The following ZNF736 variants were observed in gnomAD, a reference collection of about 807,000 sequenced individuals.
The protein encoded by ZNF736 is KRAB-containing zinc-finger repressor protein.
A neutral mutation model predicts 11.7 loss-of-function variants in ZNF736; 6 were observed. That is an observed-to-expected ratio of 0.51 (90% CI 0.28 to 1.01). The LOEUF (loss-of-function observed/expected upper bound fraction) is 1.01, where lower values mean the gene tolerates loss of function less well. Among genes scored for constraint, ZNF736 ranks in the 50% least tolerant of loss-of-function variants. The pLI, the probability that ZNF736 is intolerant of heterozygous loss-of-function variation, is 0.09. For missense variants in ZNF736, 444 were observed against 496.0 expected (o/e 0.90, Z 1.00); for synonymous variants, 139 against 164.7 (o/e 0.84, Z 1.19).
chr7:64,336,608 T>C (rs1328750413), intron 2 of ZNF736, among the ~76,000 whole-genome samples: 1 of 152,156 alleles, frequency 6.6e-6, no homozygotes, highest in Non-Finnish European at 1.5e-5. Context: ...TCTAAATTAG[T>C]GGTAATATCA....
chr7:64,328,955 A>ATT (rs71060588), intron 1 of ZNF736, among the ~76,000 whole-genome samples: 3,099 of 146,362 alleles, frequency 0.021, 46 homozygotes, highest in Non-Finnish European at 0.036. Context: ...TCTTGAGGCT[A>ATT]TTTTTTTTTT....
intron 3 of ZNF736, among the ~76,000 whole-genome samples, chr7:64,340,957 C>T (rs760785832): frequency 1.3e-5 from 2 of 152,044 alleles, no homozygotes; most frequent in Non-Finnish European, 2.9e-5. Context: ...TTCAAAGACT[C>T]CTTTCATGAA....
rs553018857 is a variant in ZNF736 at position 64,336,341 on chromosome 7, A to G, written c.86A>G (p.Tyr29Cys). 2.8e-5 allele frequency: 45 copies of G among 1,613,908 alleles called. No homozygotes were observed. In the East Asian group the frequency reaches 6.2e-4, roughly 22 times the overall value. ...ECLDSAQQRLYRDVMLENYGN... is the reference protein window; with the variant it reads ...ECLDSAQQRLCRDVMLENYGN... ...CTGGACTCTGCTCAGCAGCGTTTGT[A>G]TAGGGATGTGATGTTAGAGAACTAT... Residue 29 changes from tyrosine to cysteine, a missense_variant, in exon 2 of 4, where the codon TAT becomes TGT. Physicochemically the swap from Tyr to Cys is radical, Grantham distance 194 (BLOSUM62 -2). Coordinates refer to ENST00000423484, the MANE Select transcript of ZNF736 (RefSeq NM_001170905.3).
At position 64,314,015 on chromosome 7, in the gene ZNF736, T is replaced by G; in HGVS notation, c.-136T>G. On this transcript the variant is annotated 5_prime_UTR_variant, in exon 1 of 4. Coordinates refer to ENST00000423484, the MANE Select transcript of ZNF736 (RefSeq NM_001170905.3). The stretch of plus-strand genomic sequence containing the variant: ...TCTCCTAGCTTCCGGGCTCTGATCC[T>G]AGTTCGCGTCTCCACTGTTCCATCT... 1 of 1,238,412 alleles carries G rather than the reference T, an allele frequency of 8.1e-7. No homozygotes were observed. The highest frequency in any genetic ancestry group is 1.1e-6 in the Non-Finnish European group (1 of 869,620). 76.7% of individuals were successfully genotyped at this position (1,238,412 alleles called of 1,614,324 possible).
chr7:64,316,166 C>G (rs917389838), intron 1 of ZNF736, among the ~76,000 whole-genome samples: 1 of 152,212 alleles, frequency 6.6e-6, no homozygotes, highest in African/African-American at 2.4e-5. Flanking sequence ...AACATTAGCC[C>G]CTGGGTCATC....
chr7:64,339,007 T>C (rs1343038172), intron 3 of ZNF736, among the ~76,000 whole-genome samples: 1 of 152,158 alleles, frequency 6.6e-6, no homozygotes, highest in Non-Finnish European at 1.5e-5. Flanking sequence ...ATCTTCTTGA[T>C]ATTAGCAGTC....
In ZNF736 at chr7:64,352,209, A is replaced by G. The variant is rs1408546583; in HGVS notation, c.*3062A>G. On this transcript the variant is annotated 3_prime_UTR_variant, in exon 4 of 4. Coordinates refer to ENST00000423484, the MANE Select transcript of ZNF736 (RefSeq NM_001170905.3). ...ATGCTGGGTGTCCACTACAGTTTCT[A>G]GTCACCTCAGATTTTCCAGTACTGG... The G allele has an allele frequency of 6.6e-6, 1 of 152,216 alleles. No homozygotes were observed. The highest frequency in any genetic ancestry group is 2.1e-4 in the South Asian group (1 of 4,828). The allele number at this position is 152,216 out of a possible 1,614,324, so 9.4% of individuals were successfully genotyped here. A position where few individuals can be genotyped will look rare whatever the true frequency, so the allele number is the denominator to read the frequency against.
intron 1 of ZNF736, among the ~76,000 whole-genome samples, chr7:64,328,000 C>T (rs1306858844): frequency 1.3e-5 from 2 of 152,084 alleles, no homozygotes; most frequent in Non-Finnish European, 1.5e-5. Context: ...AGAGTTATTA[C>T]TTTTCATAAT....
At position 64,348,797 on chromosome 7, in the gene ZNF736, C is replaced by A. The variant is rs1196562349; in HGVS notation, c.934C>A (p.Pro312Thr). 6.3e-7 allele frequency: 1 copy of A among 1,586,920 alleles called. No homozygotes were observed. Among genetic ancestry groups the A allele is most frequent in the East Asian group, 2.3e-5 (1 of 43,250 alleles). Reference protein sequence around the residue: ...KHKIIHTGDKPYTCNECGKAF... With the variant: ...KHKIIHTGDKTYTCNECGKAF... ...TAAGATAATTCATACTGGAGACAAACCCTACACATGTAATGAATGTGGAAA... is the reference window on the plus strand; with the variant it reads ...TAAGATAATTCATACTGGAGACAAAACCTACACATGTAATGAATGTGGAAA... Residue 312 changes from proline to threonine, a missense_variant, in exon 4 of 4, where the codon CCC (proline) becomes ACC (threonine). Physicochemically the swap from Pro to Thr is conservative, Grantham distance 38 (BLOSUM62 -1). Coordinates refer to ENST00000423484, the MANE Select transcript of ZNF736 (RefSeq NM_001170905.3).
chr7:64,342,373 T>C (rs1247590254), intron 3 of ZNF736, among the ~76,000 whole-genome samples: 1 of 152,140 alleles, frequency 6.6e-6, no homozygotes, highest in Non-Finnish European at 1.5e-5. Flanking sequence ...TCTAAACATC[T>C]ATTTCACTTC....
At chr7:64,338,876 G>A (rs1789296835) in intron 3 of ZNF736, among the ~76,000 whole-genome samples, 1 of 151,652 alleles carries the variant, frequency 6.6e-6, no homozygotes, top group East Asian at 1.9e-4. Context: ...TTGTATAGCA[G>A]TACTATTAAA....
intron 1 of ZNF736, among the ~76,000 whole-genome samples, chr7:64,332,911 C>T (rs1414301006): frequency 6.6e-6 from 1 of 152,106 alleles, no homozygotes; most frequent in Non-Finnish European, 1.5e-5. Flanking sequence ...TCCCTTGTTC[C>T]CTAAAAATCA....
chr7:64,343,806 A>G (rs770878490), intron 3 of ZNF736, among the ~76,000 whole-genome samples: 1 of 152,198 alleles, frequency 6.6e-6, no homozygotes, highest in South Asian at 2.1e-4. Flanking sequence ...ATAATTTTAT[A>G]TGACAATAAT....
intron 1 of ZNF736, among the ~76,000 whole-genome samples, chr7:64,326,952 T>G (rs1490962233): frequency 6.6e-6 from 1 of 152,176 alleles, no homozygotes; most frequent in Non-Finnish European, 1.5e-5. Context: ...TAAGAGTTAT[T>G]TTGTGACCTA....
intron 1 of ZNF736, among the ~76,000 whole-genome samples, chr7:64,315,035 A>G (rs1035743962): frequency 1.3e-5 from 2 of 152,306 alleles, no homozygotes; most frequent in African/African-American, 2.4e-5. Context: ...TGTCCTCTCA[A>G]TAGTGAGTGA....
intron 3 of ZNF736, among the ~76,000 whole-genome samples, chr7:64,337,761 T>TG (rs571282925): frequency 0.25 from 33,266 of 134,298 alleles, 4,249 homozygotes; most frequent in African/African-American, 0.28. Flanking sequence ...TTTTGGTTTT[T>TG]TTTTTTTTTT....
At chr7:64,340,495 C>A (rs1453082960) in intron 3 of ZNF736, among the ~76,000 whole-genome samples, 1 of 152,154 alleles carries the variant, frequency 6.6e-6, no homozygotes, top group Non-Finnish European at 1.5e-5. Flanking sequence ...TATATGAGGA[C>A]CTGCCTTTTC....
rs2115971047 is a variant in ZNF736, at chr7:64,348,495, A to C, written c.632A>C (p.Lys211Thr). Residue 211 changes from lysine to threonine, a missense_variant, in exon 4 of 4, where the codon AAA (lysine) becomes ACA (threonine). Physicochemically the swap from Lys to Thr is moderately conservative, Grantham distance 78. Transcript: ENST00000423484. ...TGTGAAGAATGTGGCAAAGCGTTTA[A>C]AAAGTTTTCAAACCTTACTGAACAT... ...YKCEECGKAF[K>T]KFSNLTEHKR... 6.4e-7 allele frequency: 1 copy of C among 1,562,918 alleles called. No homozygotes were observed. Among genetic ancestry groups the C allele is most frequent in the South Asian group, 1.2e-5 (1 of 85,576 alleles).
At chr7:64,346,602 C>G (rs1351733831) in intron 3 of ZNF736, among the ~76,000 whole-genome samples, 2 of 151,984 alleles carry the variant, frequency 1.3e-5, no homozygotes, top group Non-Finnish European at 2.9e-5. Context: ...TTTCTTCTTC[C>G]TGAATTCCAG....
Sources: gnomAD v4.1 joint callset for allele counts (sites outside exome capture counted in the v4.1 genomes callset) on GRCh38, gnomAD v4.1.1 for gene constraint, MANE v1.5 for transcripts, NCBI Gene and HGNC (gene_info 2026-07-23, HGNC 2026-07-21) for gene names.